DOP1A: variants seen among roughly 807,000 people sequenced by gnomAD.
The protein encoded by DOP1A is protein DOP1A.
DOP1A carries 90 observed loss-of-function variants against 267.6 expected under a neutral mutation model. The observed-to-expected ratio is 0.34, with a 90% CI of 0.28 to 0.40. The LOEUF (loss-of-function observed/expected upper bound fraction) is 0.40. Ranked by LOEUF, DOP1A falls within the 10% of genes least tolerant of loss-of-function variation. The pLI is 1.00. For synonymous variants in DOP1A, 932 were observed against 999.1 expected (o/e 0.93, Z 1.27); for missense variants, 2,437 against 2,900.4 (o/e 0.84, Z 3.67).
chr6:83,155,040 G>T (rs899255603), intron 33 of DOP1A, among the ~76,000 whole-genome samples: 9 of 152,174 alleles, frequency 5.9e-5, no homozygotes, highest in Non-Finnish European at 1.0e-4. Flanking sequence ...TTTAAAAGTT[G>T]TGAAGGAAAT....
intron 1 of DOP1A, among the ~76,000 whole-genome samples, chr6:83,078,941 C>T (rs1278742808): frequency 6.6e-6 from 1 of 152,062 alleles, no homozygotes; most frequent in Non-Finnish European, 1.5e-5. Flanking sequence ...CCATCTTAAC[C>T]TTAAAACATG....
downstream of DOP1A, chr6:83,169,497 T>G: frequency 1.4e-6 from 1 of 709,412 alleles, no homozygotes; most frequent in Non-Finnish European, 2.3e-6. Context: ...CCAAAGCCCT[T>G]AAATAAACGG....
At chr6:83,154,288 C>G in intron 33 of DOP1A, 47 bp downstream of exon 33, 1 of 1,527,806 alleles carries the variant, frequency 6.5e-7, no homozygotes, top group Non-Finnish European at 9.1e-7. Flanking sequence ...GTACATGGTT[C>G]CTTCTTACTA....
At chr6:83,164,911 A>G in intron 38 of DOP1A, 1 of 560,558 alleles carries the variant, frequency 1.8e-6, no homozygotes, top group Non-Finnish European at 3.2e-6. Flanking sequence ...ATATTGAGAC[A>G]ATACATATAG....
At chr6:83,092,152 C>CTG (rs1224808949) in intron 1 of DOP1A, among the ~76,000 whole-genome samples, 2 of 151,612 alleles carry the variant, frequency 1.3e-5, no homozygotes, top group East Asian at 1.9e-4. Context: ...TGTGTGTATG[C>CTG]TGTGTGTGTG....
chr6:83,137,470 G>A lies in DOP1A; in HGVS notation c.3428G>A (p.Ser1143Asn). 1 of 1,613,758 alleles carries A rather than the reference G, an allele frequency of 6.2e-7. No individual in the cohort carries two copies. ...AQEDSQMPKE[S>N]SPDDDVQQVV... ...GAGGATTCTCAAATGCCCAAGGAAA[G>A]CTCCCCAGATGATGATGTTCAACAG... The change falls in exon 21 of 39, where the codon AGC becomes AAC. Residue 1143 changes from serine to asparagine, a missense_variant. Ser to Asn is a conservative substitution (Grantham distance 46). Around this residue, in one of 9 missense-constraint regions of DOP1A, gnomAD observed 878 missense variants for 992.9 expected, o/e 0.88. Coordinates refer to ENST00000349129, the MANE Select transcript of DOP1A (RefSeq NM_015018.4).
rs760243664 is a variant in DOP1A, at chr6:83,138,674, T to A, written c.4632T>A (p.Ser1544Arg). The A allele has an allele frequency of 6.2e-7, 1 of 1,613,928 alleles. No individual in the cohort carries two copies. Among genetic ancestry groups the A allele is most frequent in the South Asian group, 1.1e-5 (1 of 91,074 alleles). Residue 1544 changes from serine (S) to arginine (R), a missense_variant, in exon 21 of 39, where the codon AGT becomes AGA. Ser to Arg is a moderately radical substitution (Grantham distance 110). Transcript: ENST00000349129. ...SSIFSAQKWHSEKMAGKNLVA... is the reference protein window; with the variant it reads ...SSIFSAQKWHREKMAGKNLVA... Reference sequence around the variant, plus strand: ...TCTTTAGTGCTCAGAAATGGCATAGTGAAAAAATGGCAGGTAAGAACCTGG... The same window carrying A: ...TCTTTAGTGCTCAGAAATGGCATAGAGAAAAAATGGCAGGTAAGAACCTGG...
At position 83,153,521 on chromosome 6, in the gene DOP1A, A is replaced by G; in HGVS notation, c.6140A>G (p.His2047Arg). ...TTTATGTTTTCATAGGTTTTGGCTC[A>G]TCTTTTGGATATGGTTTTCTATAGT... is the stretch of plus-strand genomic sequence containing the variant. ...ALTLLSEVLA[H>R]LLDMVFYSDE... The change falls in exon 31 of 39, where the codon CAT (histidine) becomes CGT (arginine). Residue 2047 changes from histidine (H) to arginine (R), a missense_variant. Around this residue, in one of 9 missense-constraint regions of DOP1A, gnomAD observed 216 missense variants for 283.3 expected, o/e 0.76. Coordinates refer to ENST00000349129, the MANE Select transcript of DOP1A (RefSeq NM_015018.4). 6.3e-7 allele frequency: 1 copy of G among 1,599,040 alleles called. No homozygotes were observed. Among genetic ancestry groups the G allele is most frequent in the Non-Finnish European group, 8.5e-7 (1 of 1,174,040 alleles).
At chr6:83,145,132 T>C (rs1780310813) in intron 24 of DOP1A, among the ~76,000 whole-genome samples, 1 of 66,426 alleles carries the variant, frequency 1.5e-5, no homozygotes, top group South Asian at 5.6e-4. Context: ...TGTATATATA[T>C]ATATATATGC....
At chr6:83,139,898 C>G in intron 21 of DOP1A, 102 bp from the exon 22 acceptor site, 1 of 693,970 alleles carries the variant, frequency 1.4e-6, no homozygotes, top group Non-Finnish European at 2.4e-6. Flanking sequence ...GTATTTATTG[C>G]ACATCTTCTG....
rs999454352 is a variant in DOP1A, at chr6:83,137,510, G to A, written c.3468G>A (p.Leu1156=). 8.1e-6 allele frequency: 13 copies of A among 1,613,638 alleles called. No individual in the cohort carries two copies. In the Admixed American group the frequency reaches 1.0e-4, roughly 12 times the overall value. The stretch of plus-strand genomic sequence containing the variant: ...ATGTTCAACAGGTAGTATTTGACCT[G>A]ATATGTAAAGTTGTAAGTGGCCTCG... ...DDDVQQVVFD[L]ICKVVSGLEV... Residue 1156 remains leucine, a synonymous_variant, in exon 21 of 39, where the codon CTG becomes CTA. Coordinates refer to ENST00000349129, the MANE Select transcript of DOP1A (RefSeq NM_015018.4).
Position 83,154,333 on chromosome 6 carries a change from A to G in DOP1A, c.6451+92A>G, listed in dbSNP as rs1782303802. On this transcript the variant is annotated intron_variant, in intron 33 of 38. Transcript: ENST00000349129. ...ACTCTTTTCTGGAGACTAGGAGACT[A>G]CTGAATTAGCTCTTTGTCAAGTGTC... The G allele has an allele frequency of 8.6e-6, 10 of 1,169,496 alleles. No homozygotes were observed. The South Asian group carries it at 1.1e-4, about 13-fold the overall frequency. The allele number at this position is 1,169,496 out of a possible 1,614,324, so 72.4% of individuals were successfully genotyped here.
Position 83,119,817 on chromosome 6 carries a change from C to T in DOP1A, c.950C>T (p.Thr317Ile). Residue 317 changes from threonine to isoleucine, a missense_variant, in exon 9 of 39, where the codon ACT (threonine) becomes ATT (isoleucine). Physicochemically the swap from Thr to Ile is moderately conservative, Grantham distance 89. Around this residue, in one of 9 missense-constraint regions of DOP1A, gnomAD observed 498 missense variants for 513.5 expected, o/e 0.97. Coordinates refer to ENST00000349129, the MANE Select transcript of DOP1A (RefSeq NM_015018.4). Reference protein sequence around the residue: ...TRHSNPEEHATYYFTTFSKEL... With the variant: ...TRHSNPEEHAIYYFTTFSKEL... ...CACAGTAATCCTGAAGAACATGCCACTTACTATTTCACTACCTTTTCAAAA... is the reference window on the plus strand; with the variant it reads ...CACAGTAATCCTGAAGAACATGCCATTTACTATTTCACTACCTTTTCAAAA... 6.2e-7 allele frequency: 1 copy of T among 1,612,956 alleles called. No homozygotes were observed. The highest frequency in any genetic ancestry group is 1.1e-5 in the South Asian group (1 of 91,022).
chr6:83,168,912 G>A (rs964241418), downstream of DOP1A: 5 of 1,083,836 alleles, frequency 4.6e-6, no homozygotes, highest in African/African-American at 6.5e-5. Context: ...CAAGGAGTTG[G>A]TAATAAGATT....
chr6:83,097,704 G>C (rs192714159), intron 3 of DOP1A, among the ~76,000 whole-genome samples: 124 of 151,878 alleles, frequency 8.2e-4, no homozygotes, highest in African/African-American at 2.5e-3. Context: ...GCTTCATTTT[G>C]ACCTTTTTAT....
At chr6:83,169,131 T>C (rs543672784), downstream of DOP1A, 4 of 1,533,576 alleles carry the variant, frequency 2.6e-6, no homozygotes, top group East Asian at 2.4e-5. Flanking sequence ...GTAGGCTGCA[T>C]TGTAAACATT....
intron 38 of DOP1A, 89 bp downstream of exon 38, chr6:83,163,008 A>AC: frequency 7.1e-7 from 1 of 1,402,598 alleles, no homozygotes; most frequent in South Asian, 1.6e-5. Context: ...GGAAACTGAG[A>AC]ACGTTATCAA....
chr6:83,162,407 C>G (rs1003975648), intron 37 of DOP1A, among the ~76,000 whole-genome samples: 6 of 152,120 alleles, frequency 3.9e-5, no homozygotes, highest in Non-Finnish European at 8.8e-5. Flanking sequence ...AAGTCTTTGT[C>G]AGACTGTTAT....
rs4502902 is a variant in DOP1A, at chr6:83,137,134, T to C, written c.3131-39T>C. 4.0e-6 allele frequency: 6 copies of C among 1,483,452 alleles called. No individual in the cohort carries two copies. In the South Asian group the frequency reaches 7.2e-5, roughly 18 times the overall value. The allele number at this position is 1,483,452 out of a possible 1,614,324, so 91.9% of individuals were successfully genotyped here. On this transcript the variant is annotated intron_variant, in intron 20 of 38. Transcript: ENST00000349129. The stretch of plus-strand genomic sequence containing the variant: ...TACATTTCAATTATTTTAATGCATT[T>C]TGTATTTTTCTTCTTTTACTGTTTT...
Sources: gnomAD v4.1 joint callset for allele counts (sites outside exome capture counted in the v4.1 genomes callset) on GRCh38, gnomAD v4.1.1 for gene constraint, gnomAD v4.1.1 regional missense constraint, MANE v1.5 for transcripts, NCBI Gene and HGNC (gene_info 2026-07-23, HGNC 2026-07-21) for gene names.